SLC14A2: variants seen among roughly 807,000 people sequenced by gnomAD.
SLC14A2 encodes solute carrier family 14 member 2, also known as urea transporter 2.
In SLC14A2, 91 loss-of-function variants were observed where a neutral mutation model predicts 104.6. That is an observed-to-expected ratio of 0.87 (90% CI 0.73 to 1.04). The LOEUF is 1.04. SLC14A2 is among the 50% of genes least tolerant of loss of function. SLC14A2 has a pLI of 0.00. For missense variants in SLC14A2, 1,189 were observed against 1,156.0 expected (o/e 1.03, Z -0.41); for synonymous variants, 476 against 466.4 (o/e 1.02, Z -0.27).
At chr18:45,186,716 A>G in the SLC14A2 span, among the ~76,000 whole-genome samples, 10 of 152,212 alleles carry the variant, frequency 6.6e-5, no homozygotes, top group African/African-American at 2.4e-4. Context: ...ACTGGAGTAT[A>G]CACCATTACA....
chr18:45,529,467 T>C (rs1598965661), intron 2 of SLC14A2: 2 of 147,432 alleles, frequency 1.4e-5, no homozygotes, highest in South Asian at 4.3e-4. Flanking sequence ...GAAAAAAAAA[T>C]TATGTCTTCC....
chr18:45,254,748 A>T (rs552597664), intron 1 of SLC14A2, among the ~76,000 whole-genome samples: 1 of 152,208 alleles, frequency 6.6e-6, no homozygotes, highest in East Asian at 1.9e-4. Context: ...ACCGTAAGCC[A>T]TCCTCAGGGG....
intron 1 of SLC14A2, among the ~76,000 whole-genome samples, chr18:45,369,603 G>T (rs28599493): frequency 6.6e-6 from 1 of 152,170 alleles, no homozygotes; most frequent in African/African-American, 2.4e-5. Context: ...TTATTCTATA[G>T]TGCTTTCATT....
At chr18:45,207,339 G>A in the SLC14A2 span, among the ~76,000 whole-genome samples, 1 of 143,738 alleles carries the variant, frequency 7.0e-6, no homozygotes. Flanking sequence ...AAGAAAGGGA[G>A]AAAAGGAAGG....
intron 2 of SLC14A2, among the ~76,000 whole-genome samples, chr18:45,514,304 T>C (rs148956061): frequency 1.1e-4 from 17 of 152,228 alleles, no homozygotes; most frequent in African/African-American, 3.6e-4. Context: ...GGGAGAGAGA[T>C]AGCATGCAAA....
intron 3 of SLC14A2, among the ~76,000 whole-genome samples, chr18:45,626,599 C>T (rs1254359427): frequency 2.0e-5 from 3 of 151,640 alleles, no homozygotes; most frequent in Non-Finnish European, 4.4e-5. Context: ...CCTGCCCCCA[C>T]CCCCCCACCT....
intron 2 of SLC14A2, among the ~76,000 whole-genome samples, chr18:45,603,938 C>T (rs117834093): frequency 0.012 from 1,758 of 152,298 alleles, 13 homozygotes; most frequent in Non-Finnish European, 0.019. Context: ...AACAGTCTTA[C>T]TTAGAGAACC....
chr18:45,625,651 T>A lies in SLC14A2; in HGVS notation c.151-32T>A, dbSNP rs747747086. 8.0e-6 allele frequency: 12 copies of A among 1,502,236 alleles called. No individual in the cohort carries two copies. The Admixed American group carries it at 3.0e-4, about 37-fold the overall frequency. 93.1% of individuals were successfully genotyped at this position (1,502,236 alleles called of 1,614,324 possible). A position where few individuals can be genotyped will look rare whatever the true frequency, so the allele number is the denominator to read the frequency against. ...ATGTCCCTGCTCTCAGAAAGCTGTATCATTTGATGTCTGGTTGGTTTCTCC... is the reference window on the plus strand; with the variant it reads ...ATGTCCCTGCTCTCAGAAAGCTGTAACATTTGATGTCTGGTTGGTTTCTCC... On this transcript the variant is annotated intron_variant, in intron 2 of 19. Coordinates refer to ENST00000255226, the MANE Select transcript of SLC14A2 (RefSeq NM_007163.4).
intron 1 of SLC14A2, among the ~76,000 whole-genome samples, chr18:45,449,465 A>G (rs1598835308): frequency 6.6e-6 from 1 of 152,254 alleles, no homozygotes; most frequent in Non-Finnish European, 1.5e-5. Flanking sequence ...CCTCATACAC[A>G]TAAACTTCCT....
At chr18:45,393,627 C>T (rs1376463799) in intron 1 of SLC14A2, among the ~76,000 whole-genome samples, 3 of 152,182 alleles carry the variant, frequency 2.0e-5, no homozygotes, top group Admixed American at 6.5e-5. Flanking sequence ...TTGAGAGTAA[C>T]GCAAGCACTA....
intron 1 of SLC14A2, among the ~76,000 whole-genome samples, chr18:45,399,844 G>A (rs1464012891): frequency 6.6e-6 from 1 of 152,090 alleles, no homozygotes; most frequent in Non-Finnish European, 1.5e-5. Flanking sequence ...AGTACCAAGA[G>A]CCAAGGGACA....
chr18:45,663,797 AGCATCCACCCACAGCAG>A lies in SLC14A2; in HGVS notation c.1367_1383del (p.His456ProfsTer59). The A allele has an allele frequency of 2.5e-6, 4 of 1,612,362 alleles. No individual in the cohort carries two copies. Among genetic ancestry groups the A allele is most frequent in the Non-Finnish European group, 3.4e-6 (4 of 1,179,762 alleles). On this transcript the variant is annotated frameshift_variant, in exon 11 of 20. Coordinates refer to ENST00000255226, the MANE Select transcript of SLC14A2 (RefSeq NM_007163.4). LOFTEE classifies it high-confidence loss of function. Reference sequence around the variant, plus strand: ...TGCCCCTGGCTAGGAGGCGGTGGGGAGCATCCACCCACAGCAGGCCCAAAGGTGGAGGAGGGCTCGGA... The same window carrying A: ...TGCCCCTGGCTAGGAGGCGGTGGGGAGCCCAAAGGTGGAGGAGGGCTCGGA...
At chr18:45,405,099 G>A (rs1027204561) in intron 1 of SLC14A2, among the ~76,000 whole-genome samples, 36 of 152,132 alleles carry the variant, frequency 2.4e-4, no homozygotes, top group African/African-American at 8.5e-4. Context: ...ATGGTAACGT[G>A]CTTACCTTGA....
At chr18:45,590,733 C>CATG (rs2044635773) in intron 2 of SLC14A2, among the ~76,000 whole-genome samples, 1 of 152,188 alleles carries the variant, frequency 6.6e-6, no homozygotes, top group South Asian at 2.1e-4. Context: ...CATCTCTGAC[C>CATG]CAGCTGCCAG....
intron 1 of SLC14A2, among the ~76,000 whole-genome samples, chr18:45,391,960 G>C (rs1408550894): frequency 3.3e-5 from 5 of 152,154 alleles, no homozygotes; most frequent in Admixed American, 3.3e-4. Context: ...TCTGGCTTTT[G>C]TTGCCATTGC....
intron 1 of SLC14A2, among the ~76,000 whole-genome samples, chr18:45,441,644 T>G (rs981271267): frequency 5.9e-5 from 9 of 152,228 alleles, no homozygotes; most frequent in African/African-American, 2.2e-4. Context: ...CATGTGTGTT[T>G]GTGACATCTA....
chr18:45,454,236 C>T (rs1483452351), intron 1 of SLC14A2, among the ~76,000 whole-genome samples: 2 of 152,148 alleles, frequency 1.3e-5, no homozygotes, highest in Non-Finnish European at 1.5e-5. Flanking sequence ...CATTCTAATC[C>T]TCAACTTCCT....
At chr18:45,312,322 C>T (rs866394195) in intron 1 of SLC14A2, among the ~76,000 whole-genome samples, 8 of 151,688 alleles carry the variant, frequency 5.3e-5, no homozygotes, top group African/African-American at 1.9e-4. Context: ...GCTAAGATTT[C>T]GAGATTTTGG....
rs573488419 is a variant in SLC14A2 at position 45,586,509 on chromosome 18, A to G, written c.-34-38122A>G. Among the ~76,000 whole-genome samples the G allele has an allele frequency of 4.7e-4, 71 of 152,332 alleles. 2 individuals are homozygous for G. In the South Asian group the frequency reaches 0.013, roughly 28 times the overall value. Reference sequence around the variant, plus strand: ...TGCCATGATTTGACTTAGGTTTGCAAAGGATACTTCTGGCTGCTGAATGGA... The same window carrying G: ...TGCCATGATTTGACTTAGGTTTGCAGAGGATACTTCTGGCTGCTGAATGGA... On this transcript the variant is annotated intron_variant, in intron 2 of 20. Coordinates refer to the SLC14A2 transcript ENST00000586448.
Sources: allele counts gnomAD v4.1 joint callset (sites outside exome capture counted in the v4.1 genomes callset), GRCh38; gene constraint gnomAD v4.1.1; transcripts MANE v1.5; gene names NCBI Gene and HGNC (gene_info 2026-07-23, HGNC 2026-07-21).